The following SGCZ variants were observed in gnomAD, a reference collection of about 807,000 sequenced individuals.
The protein encoded by SGCZ is sarcoglycan zeta, also known as zeta-sarcoglycan.
SGCZ carries 40 observed loss-of-function variants against 41.3 expected under a neutral mutation model. The observed-to-expected ratio is 0.97, with a 90% CI of 0.75 to 1.26. The LOEUF (loss-of-function observed/expected upper bound fraction) is 1.26. SGCZ is among the 50% of genes most tolerant of loss of function. The pLI, the probability that SGCZ is intolerant of heterozygous loss-of-function variation, is 0.00. For synonymous variants in SGCZ, 206 were observed against 137.5 expected (o/e 1.50, Z -3.49); for missense variants, 552 against 369.8 (o/e 1.49, Z -4.04).
chr8:15,143,309 T>C (rs1385091249), intron 1 of SGCZ, among the ~76,000 whole-genome samples: 1 of 152,212 alleles, frequency 6.6e-6, no homozygotes, highest in Non-Finnish European at 1.5e-5. Flanking sequence ...AGCATAACTC[T>C]AGCACGTAGT....
intron 1 of SGCZ, among the ~76,000 whole-genome samples, chr8:15,215,710 C>T (rs918250926): frequency 1.3e-5 from 2 of 152,108 alleles, no homozygotes; most frequent in African/African-American, 4.8e-5. Flanking sequence ...GGCAGTCTGA[C>T]CCTGCCAAAC....
chr8:14,761,629 T>A (rs1000313303), intron 1 of SGCZ, among the ~76,000 whole-genome samples: 11 of 151,550 alleles, frequency 7.3e-5, no homozygotes, highest in African/African-American at 2.7e-4. Flanking sequence ...ACCTCCCGGA[T>A]TCGAACAATT....
At chr8:14,880,414 A>G (rs867568823) in intron 1 of SGCZ, among the ~76,000 whole-genome samples, 3 of 152,186 alleles carry the variant, frequency 2.0e-5, no homozygotes, top group Non-Finnish European at 4.4e-5. Context: ...AGTGATGTAG[A>G]ACTAGAAATA....
chr8:14,709,980 G>C (rs946191027), intron 1 of SGCZ, among the ~76,000 whole-genome samples: 5 of 152,108 alleles, frequency 3.3e-5, no homozygotes, highest in Non-Finnish European at 5.9e-5. Context: ...ACTCAAACCA[G>C]GTGCTAAGCA....
At chr8:14,847,364 A>T (rs79640390) in intron 1 of SGCZ, among the ~76,000 whole-genome samples, 1 of 152,134 alleles carries the variant, frequency 6.6e-6, no homozygotes, top group East Asian at 2.0e-4. Flanking sequence ...GACACCAAAA[A>T]CTCTAAATTC....
At chr8:14,883,067 AAAG>A (rs1804653804) in intron 1 of SGCZ, among the ~76,000 whole-genome samples, 1 of 152,054 alleles carries the variant, frequency 6.6e-6, no homozygotes, top group Admixed American at 6.6e-5. Flanking sequence ...TTATTTTTGA[AAAG>A]AAGCTTCAAA....
chr8:14,811,802 C>T (rs1801746114), intron 1 of SGCZ, among the ~76,000 whole-genome samples: 1 of 151,958 alleles, frequency 6.6e-6, no homozygotes, highest in East Asian at 1.9e-4. Context: ...AGCTGCTATT[C>T]CAATTCCCTT....
intron 1 of SGCZ, among the ~76,000 whole-genome samples, chr8:15,146,968 G>C (rs1799052543): frequency 6.6e-6 from 1 of 152,116 alleles, no homozygotes; most frequent in African/African-American, 2.4e-5. Flanking sequence ...AAAATGCCAA[G>C]TATCTTTCAA....
intron 1 of SGCZ, among the ~76,000 whole-genome samples, chr8:14,653,135 C>T (rs1191636905): frequency 6.6e-6 from 1 of 152,000 alleles, no homozygotes; most frequent in Non-Finnish European, 1.5e-5. Context: ...GAGGTACAGA[C>T]AGTCAGTAAC....
At chr8:14,513,382 C>A (rs542612580) in intron 2 of SGCZ, among the ~76,000 whole-genome samples, 313 of 152,116 alleles carry the variant, frequency 2.1e-3, no homozygotes, top group Non-Finnish European at 3.6e-3. Flanking sequence ...TTTTACTATA[C>A]TGTTGTGTTA....
chr8:14,592,020 G>T (rs531522478), intron 1 of SGCZ, among the ~76,000 whole-genome samples: 2 of 152,228 alleles, frequency 1.3e-5, no homozygotes, highest in African/African-American at 4.8e-5. Flanking sequence ...AGCAATAAAA[G>T]CTGCTGCATT....
chr8:14,780,384 A>G (rs1306828757), intron 1 of SGCZ, among the ~76,000 whole-genome samples: 2 of 151,660 alleles, frequency 1.3e-5, no homozygotes, highest in Non-Finnish European at 2.9e-5. Context: ...CAAAAAAAAA[A>G]AAAAAAGAAA....
intron 1 of SGCZ, among the ~76,000 whole-genome samples, chr8:14,702,729 AATGATAGATAGATAG>A (rs1554483735): frequency 0.12 from 17,067 of 139,276 alleles, 1,334 homozygotes; most frequent in Admixed American, 0.19. Context: ...TGCTGGCTTC[AATGATAGATAGATAG>A]ATAGATAGAT....
intron 1 of SGCZ, among the ~76,000 whole-genome samples, chr8:15,197,297 A>G (rs1407578242): frequency 6.6e-6 from 1 of 152,220 alleles, no homozygotes; most frequent in African/African-American, 2.4e-5. Context: ...GACATTAACA[A>G]TTTCTTTTTT....
At chr8:15,077,327 G>C in intron 1 of SGCZ, among the ~76,000 whole-genome samples, 1 of 152,158 alleles carries the variant, frequency 6.6e-6, no homozygotes, top group African/African-American at 2.4e-5. Context: ...GTAAAAATAA[G>C]TGCATTTCAT....
chr8:14,990,357 G>A (rs1025446321), intron 1 of SGCZ, among the ~76,000 whole-genome samples: 1 of 150,792 alleles, frequency 6.6e-6, no homozygotes, highest in African/African-American at 2.4e-5. Context: ...TGGCCTGTTA[G>A]GAACCAGGCC....
intron 1 of SGCZ, among the ~76,000 whole-genome samples, chr8:14,644,605 G>C (rs906341060): frequency 1.3e-5 from 2 of 151,764 alleles, no homozygotes; most frequent in African/African-American, 4.8e-5. Flanking sequence ...TTTGGGTCAA[G>C]GTGTCTGTGG....
At chr8:14,981,929 C>T (rs1329648367) in intron 1 of SGCZ, among the ~76,000 whole-genome samples, 1 of 152,110 alleles carries the variant, frequency 6.6e-6, no homozygotes, top group Non-Finnish European at 1.5e-5. Flanking sequence ...GCAGGCAGAT[C>T]ATTGGAGGTC....
chr8:14,594,185 T>C (rs1163646576), intron 1 of SGCZ, among the ~76,000 whole-genome samples: 1 of 87,394 alleles, frequency 1.1e-5, no homozygotes, highest in African/African-American at 4.2e-5. Context: ...AAAAAATAAA[T>C]AAATAAATAA....
Sources: allele counts gnomAD v4.1 joint callset (sites outside exome capture counted in the v4.1 genomes callset), GRCh38; gene constraint gnomAD v4.1.1; transcripts MANE v1.5; gene names NCBI Gene and HGNC (gene_info 2026-07-23, HGNC 2026-07-21).